Variants in FAF1 observed in about 807,000 individuals in gnomAD.
The protein encoded by FAF1 is Fas associated factor 1.
FAF1 carries 25 observed loss-of-function variants against 92.5 expected under a neutral mutation model. That is an observed-to-expected ratio of 0.27 (90% CI 0.20 to 0.38). The LOEUF (loss-of-function observed/expected upper bound fraction) is 0.38, where lower values mean the gene tolerates loss of function less well. Among genes scored for constraint, FAF1 ranks in the 10% least tolerant of loss-of-function variants. The pLI is 1.00. For synonymous variants in FAF1, 234 were observed against 273.2 expected (o/e 0.86, Z 1.42); for missense variants, 636 against 793.3 (o/e 0.80, Z 2.38).
At chr1:50,801,426 C>G (rs368465136) in intron 3 of FAF1, among the ~76,000 whole-genome samples, 21 of 152,074 alleles carry the variant, frequency 1.4e-4, no homozygotes, top group East Asian at 9.6e-4. Flanking sequence ...GATGGTGTTA[C>G]CAAATATGCA....
At chr1:50,907,978 A>G (rs1644854085) in intron 1 of FAF1, among the ~76,000 whole-genome samples, 1 of 152,010 alleles carries the variant, frequency 6.6e-6, no homozygotes, top group Non-Finnish European at 1.5e-5. Flanking sequence ...TGTCAATTTT[A>G]GATCTTTCCT....
chr1:50,689,143 C>T (rs919645208), intron 7 of FAF1, among the ~76,000 whole-genome samples: 1 of 152,096 alleles, frequency 6.6e-6, no homozygotes, highest in African/African-American at 2.4e-5. Context: ...CTTGATGTAA[C>T]TGAACTATAC....
chr1:50,726,187 C>A (rs889178289), intron 6 of FAF1, among the ~76,000 whole-genome samples: 1 of 151,704 alleles, frequency 6.6e-6, no homozygotes, highest in Non-Finnish European at 1.5e-5. Context: ...ACTCAGGAGG[C>A]GGAGGTTGCA....
chr1:50,884,442 C>T (rs984035015), intron 1 of FAF1, among the ~76,000 whole-genome samples: 2 of 151,332 alleles, frequency 1.3e-5, no homozygotes, highest in African/African-American at 2.4e-5. Context: ...GCAGGAGAAT[C>T]GCTTGAACCT....
chr1:50,878,063 CA>C (rs1479130956), intron 1 of FAF1, among the ~76,000 whole-genome samples: 1 of 152,194 alleles, frequency 6.6e-6, no homozygotes, highest in Non-Finnish European at 1.5e-5. Flanking sequence ...AGCTTTCCTT[CA>C]AAACAATATA....
chr1:50,779,792 T>A (rs977796744), intron 4 of FAF1, among the ~76,000 whole-genome samples: 1 of 151,646 alleles, frequency 6.6e-6, no homozygotes, highest in African/African-American at 2.4e-5. Context: ...TTTTTAAAAA[T>A]TAGAAAAGAG....
chr1:50,569,033 C>A (rs948654965), intron 12 of FAF1, among the ~76,000 whole-genome samples: 1 of 152,084 alleles, frequency 6.6e-6, no homozygotes, highest in Middle Eastern at 3.2e-3. Flanking sequence ...AAATGGTGAA[C>A]AAGAAAGACT....
At chr1:50,615,872 T>A (rs570087189) in intron 8 of FAF1, among the ~76,000 whole-genome samples, 1 of 152,326 alleles carries the variant, frequency 6.6e-6, no homozygotes, top group East Asian at 1.9e-4. Flanking sequence ...GTCCTACTTG[T>A]CAATTTTTGT....
chr1:50,917,014 C>T (rs1644923338), intron 1 of FAF1, among the ~76,000 whole-genome samples: 2 of 152,030 alleles, frequency 1.3e-5, no homozygotes, highest in African/African-American at 2.4e-5. Context: ...TACAATGTCC[C>T]GAATCTATCA....
chr1:50,598,343 G>C (rs1651930303), intron 8 of FAF1, among the ~76,000 whole-genome samples: 1 of 151,234 alleles, frequency 6.6e-6, no homozygotes, highest in Non-Finnish European at 1.5e-5. Context: ...CACACCCATA[G>C]TCCAGCTACT....
chr1:50,898,450 C>A (rs1644772864), intron 1 of FAF1, among the ~76,000 whole-genome samples: 1 of 152,136 alleles, frequency 6.6e-6, no homozygotes, highest in South Asian at 2.1e-4. Context: ...CTATATTCTA[C>A]AATGAAGAAA....
intron 6 of FAF1, among the ~76,000 whole-genome samples, chr1:50,734,557 AC>A (rs1283449018): frequency 2.0e-5 from 3 of 152,004 alleles, no homozygotes; most frequent in Non-Finnish European, 4.4e-5. Flanking sequence ...ACATGGTGAA[AC>A]CCTGTCTCTA....
chr1:50,930,328 A>G (rs1645038171), intron 1 of FAF1, among the ~76,000 whole-genome samples: 1 of 152,214 alleles, frequency 6.6e-6, no homozygotes, highest in South Asian at 2.1e-4. Flanking sequence ...ATACAGCAGC[A>G]AAGTTTAGGG....
At chr1:50,547,706 G>A (rs1470556798) in intron 13 of FAF1, among the ~76,000 whole-genome samples, 2 of 152,094 alleles carry the variant, frequency 1.3e-5, no homozygotes, top group African/African-American at 2.4e-5. Flanking sequence ...GAGCCACCGC[G>A]CCCGGCAAAA....
At chr1:50,607,750 T>C (rs1357808939) in intron 8 of FAF1, among the ~76,000 whole-genome samples, 2 of 152,206 alleles carry the variant, frequency 1.3e-5, no homozygotes, top group Non-Finnish European at 2.9e-5. Flanking sequence ...TGGTATCTTT[T>C]GGTAGTCAAT....
At chr1:50,477,145 TA>T (rs1646648840) in intron 17 of FAF1, among the ~76,000 whole-genome samples, 1 of 152,244 alleles carries the variant, frequency 6.6e-6, no homozygotes. Context: ...AATACTGAAC[TA>T]TTTTTTTTAA....
At chr1:50,877,914 T>C (rs1644583741) in intron 1 of FAF1, among the ~76,000 whole-genome samples, 1 of 152,188 alleles carries the variant, frequency 6.6e-6, no homozygotes, top group Non-Finnish European at 1.5e-5. Flanking sequence ...GTTGCTGAAA[T>C]GGCCTTCTAT....
chr1:50,830,020 C>A (rs1336281353), intron 2 of FAF1, among the ~76,000 whole-genome samples: 1 of 152,212 alleles, frequency 6.6e-6, no homozygotes, highest in Non-Finnish European at 1.5e-5. Context: ...AAGAGAACTG[C>A]ATCTACATCA....
intron 6 of FAF1, among the ~76,000 whole-genome samples, chr1:50,717,987 CTTTA>C (rs67168626): frequency 0.56 from 78,257 of 138,692 alleles, 23,262 homozygotes; most frequent in East Asian, 0.82. Context: ...AAATACAATC[CTTTA>C]TTTATTTATT....
Sources: gnomAD v4.1 joint callset for allele counts (sites outside exome capture counted in the v4.1 genomes callset) on GRCh38, gnomAD v4.1.1 for gene constraint, MANE v1.5 for transcripts, NCBI Gene and HGNC (gene_info 2026-07-23, HGNC 2026-07-21) for gene names.